FUT8: variants seen among roughly 807,000 people sequenced by gnomAD.
The protein encoded by FUT8 is fucosyltransferase 8, also known as alpha-(1,6)-fucosyltransferase.
In FUT8, 29 loss-of-function variants were observed where a neutral mutation model predicts 71.3. The observed-to-expected ratio is 0.41, with a 90% confidence interval of 0.30 to 0.55. The LOEUF (loss-of-function observed/expected upper bound fraction) is 0.55, where lower values mean the gene tolerates loss of function less well. FUT8 is among the 20% of genes least tolerant of loss of function. The probability of loss-of-function intolerance (pLI) is 0.34; values close to 1 mark genes in which losing one functional copy is unlikely to be tolerated. For missense variants in FUT8, 544 were observed against 702.1 expected (o/e 0.77, Z 2.55); for synonymous variants, 254 against 239.3 (o/e 1.06, Z -0.57).
At position 65,605,679 on chromosome 14, in the gene FUT8, C is replaced by G. The variant is rs1411904464; in HGVS notation, c.204-10299C>G. Among the ~76,000 whole-genome samples the G allele has an allele frequency of 2.6e-5, 4 of 151,946 alleles. No homozygotes were observed. In the East Asian group the frequency reaches 5.8e-4, roughly 22 times the overall value. On this transcript the variant is annotated intron_variant, in intron 3 of 10. Transcript: ENST00000673929. ...ATAAAATAAATTTCTGTTGTTTAAGCCACCCATTTTATGGTATTCTGTTAT... is the reference window on the plus strand; with the variant it reads ...ATAAAATAAATTTCTGTTGTTTAAGGCACCCATTTTATGGTATTCTGTTAT...
chr14:65,503,265 A>G (rs1594708276), intron 2 of FUT8, among the ~76,000 whole-genome samples: 1 of 152,200 alleles, frequency 6.6e-6, no homozygotes, highest in South Asian at 2.1e-4. Flanking sequence ...ATTTAAGGGA[A>G]ACTGAGTAAT....
In FUT8 at chr14:65,719,551, C is replaced by T. The variant is rs372277659; in HGVS notation, c.836-2224C>T. 5.9e-5 allele frequency among the ~76,000 whole-genome samples: 9 copies of T among 152,168 alleles called. No individual in the cohort carries two copies. The East Asian group carries it at 7.7e-4, about 13-fold the overall frequency. On this transcript the variant is annotated intron_variant, in intron 7 of 10. Coordinates refer to ENST00000673929, the MANE Select transcript of FUT8 (RefSeq NM_001371533.1). ...GTGTCTGGGCATTGAAGGTATTTAT[C>T]GTAGTCTTCACAATCTGAACTCTTT...
At chr14:65,395,525 G>A in the FUT8 span, among the ~76,000 whole-genome samples, 3 of 152,264 alleles carry the variant, frequency 2.0e-5, no homozygotes, top group Admixed American at 6.5e-5. Flanking sequence ...GCTGCCAAGG[G>A]TTGGGGCTTG....
intron 3 of FUT8, among the ~76,000 whole-genome samples, chr14:65,597,634 AAC>A (rs1313064955): frequency 1.9e-4 from 29 of 151,952 alleles, no homozygotes; most frequent in African/African-American, 7.0e-4. Flanking sequence ...AAAAAAAAAA[AAC>A]ATAAATAAAA....
At chr14:65,521,926 G>T (rs1193577057) in intron 2 of FUT8, among the ~76,000 whole-genome samples, 1 of 151,102 alleles carries the variant, frequency 6.6e-6, no homozygotes, top group East Asian at 1.9e-4. Context: ...GAGGTCTTTA[G>T]AGATCATTTA....
intron 7 of FUT8, among the ~76,000 whole-genome samples, chr14:65,720,759 A>G (rs1895373521): frequency 6.6e-6 from 1 of 152,066 alleles, no homozygotes; most frequent in Admixed American, 6.5e-5. Flanking sequence ...TTCAGCCTAT[A>G]GTGGTGCGGC....
chr14:65,359,204 G>C, the FUT8 span, among the ~76,000 whole-genome samples: 2 of 152,098 alleles, frequency 1.3e-5, no homozygotes, highest in African/African-American at 2.4e-5. Context: ...TTTGAAGAAG[G>C]ATGCAAACAA....
chr14:65,466,622 C>T (rs567656435), intron 2 of FUT8, among the ~76,000 whole-genome samples: 18 of 152,128 alleles, frequency 1.2e-4, no homozygotes, highest in African/African-American at 2.7e-4. Context: ...TGCTGGCGCA[C>T]GCCTGTAATC....
intron 1 of FUT8, among the ~76,000 whole-genome samples, chr14:65,447,679 C>G (rs1195744611): frequency 1.3e-5 from 2 of 152,008 alleles, no homozygotes; most frequent in African/African-American, 4.8e-5. Flanking sequence ...GAAATACAAG[C>G]TGAAAAATTC....
chr14:65,708,186 A>G (rs1348381969), intron 7 of FUT8, among the ~76,000 whole-genome samples: 1 of 152,140 alleles, frequency 6.6e-6, no homozygotes, highest in African/African-American at 2.4e-5. Context: ...TGCTGTTCTA[A>G]TGATAGTGAG....
chr14:65,734,652 C>T (rs980997539), intron 10 of FUT8, among the ~76,000 whole-genome samples: 1 of 152,128 alleles, frequency 6.6e-6, no homozygotes, highest in Non-Finnish European at 1.5e-5. Flanking sequence ...TACTTGGTTC[C>T]TTGCAACTGT....
At chr14:65,554,549 G>T (rs1319874918) in intron 2 of FUT8, among the ~76,000 whole-genome samples, 1 of 151,800 alleles carries the variant, frequency 6.6e-6, no homozygotes, top group Non-Finnish European at 1.5e-5. Context: ...GCCCAGAAAC[G>T]GGTACCCTTC....
At chr14:65,575,494 G>A (rs1325082182) in intron 3 of FUT8, among the ~76,000 whole-genome samples, 5 of 151,996 alleles carry the variant, frequency 3.3e-5, no homozygotes, top group Admixed American at 1.3e-4. Context: ...TGGATAGTCT[G>A]ACCTTTTGCT....
chr14:65,733,486 C>A, intron 10 of FUT8, 105 bp downstream of exon 10: 1 of 797,948 alleles, frequency 1.3e-6, no homozygotes, highest in Non-Finnish European at 1.9e-6. Context: ...ATTATTGTGA[C>A]TCAGGTGCAA....
chr14:65,533,198 G>A (rs148727986), intron 2 of FUT8, among the ~76,000 whole-genome samples: 269 of 152,138 alleles, frequency 1.8e-3, no homozygotes, highest in African/African-American at 6.1e-3. Context: ...AATGTCGTTC[G>A]TAGTTTGATA....
At chr14:65,576,696 C>CTTTTTTTTTTTTTTTTTTT (rs376473739) in intron 3 of FUT8, among the ~76,000 whole-genome samples, 8 of 96,210 alleles carry the variant, frequency 8.3e-5, no homozygotes, top group Admixed American at 2.2e-4. Flanking sequence ...GCCCAGCTTG[C>CTTTTTTTTTTTTTTTTTTT]TTTTTTTTTT....
the FUT8 span, among the ~76,000 whole-genome samples, chr14:65,368,778 T>G: frequency 6.6e-6 from 1 of 152,058 alleles, no homozygotes; most frequent in South Asian, 2.1e-4. Context: ...CGCCTCGGCC[T>G]CTCAAAGTGC....
chr14:65,495,199 C>A (rs1243247398), intron 2 of FUT8, among the ~76,000 whole-genome samples: 3 of 146,592 alleles, frequency 2.0e-5, no homozygotes, highest in Admixed American at 6.8e-5. Context: ...AAAAAAAAAA[C>A]CCAGTAAATT....
chr14:65,633,922 G>A (rs1890380800), intron 6 of FUT8, among the ~76,000 whole-genome samples: 1 of 150,524 alleles, frequency 6.6e-6, no homozygotes, highest in African/African-American at 2.5e-5. Flanking sequence ...CCGGCCAGCT[G>A]CCCCGTCCGG....
Sources: gnomAD v4.1 joint callset for allele counts (sites outside exome capture counted in the v4.1 genomes callset) on GRCh38, gnomAD v4.1.1 for gene constraint, MANE v1.5 for transcripts, NCBI Gene and HGNC (gene_info 2026-07-23, HGNC 2026-07-21) for gene names.